The following TENM3 variants were observed in gnomAD, a reference collection of about 807,000 sequenced individuals.
The protein encoded by TENM3 is teneurin transmembrane protein 3.
A neutral mutation model predicts 255.1 loss-of-function variants in TENM3; 63 were observed. The ratio of observed to expected loss-of-function variants is 0.25; its 90% CI spans 0.20 to 0.30. The LOEUF (loss-of-function observed/expected upper bound fraction) is 0.30, where lower values mean the gene tolerates loss of function less well. Ranked by LOEUF, TENM3 falls within the 10% of genes least tolerant of loss-of-function variation. The probability of loss-of-function intolerance (pLI) is 1.00; values close to 1 mark genes in which losing one functional copy is unlikely to be tolerated. For synonymous variants in TENM3, 1,306 were observed against 1,322.3 expected (o/e 0.99, Z 0.27); for missense variants, 2,929 against 3,461.1 (o/e 0.85, Z 3.86).
chr4:182,264,992 G>A (rs1458486880), intron 1 of TENM3, among the ~76,000 whole-genome samples: 1 of 148,922 alleles, frequency 6.7e-6, no homozygotes, highest in African/African-American at 2.5e-5. Flanking sequence ...CACTCTTAAT[G>A]CACACGAGAG....
At chr4:182,619,117 A>G (rs373384412) in intron 4 of TENM3, among the ~76,000 whole-genome samples, 2 of 152,150 alleles carry the variant, frequency 1.3e-5, no homozygotes, top group Non-Finnish European at 2.9e-5. Context: ...GGTATACATC[A>G]TGGAATGGGT....
At chr4:181,575,337 G>A in the TENM3 span, among the ~76,000 whole-genome samples, 1 of 151,788 alleles carries the variant, frequency 6.6e-6, no homozygotes, top group African/African-American at 2.4e-5. Context: ...ATTATTCCAT[G>A]GTATACCAAT....
chr4:182,018,201 G>A, the TENM3 span, among the ~76,000 whole-genome samples: 1 of 152,138 alleles, frequency 6.6e-6, no homozygotes, highest in Admixed American at 6.5e-5. Context: ...GTATGAGATT[G>A]AATTGCTAAC....
intron 2 of TENM3, among the ~76,000 whole-genome samples, chr4:182,328,233 T>C (rs1181329454): frequency 6.6e-6 from 1 of 152,166 alleles, no homozygotes; most frequent in Non-Finnish European, 1.5e-5. Flanking sequence ...TTTTTGTTTT[T>C]GAGATGGAGT....
chr4:181,618,558 G>A, the TENM3 span, among the ~76,000 whole-genome samples: 1 of 152,168 alleles, frequency 6.6e-6, no homozygotes, highest in East Asian at 1.9e-4. Flanking sequence ...AATGCCTAAG[G>A]CTTCTAAGCC....
intron 4 of TENM3, among the ~76,000 whole-genome samples, chr4:182,610,518 C>A (rs79644338): frequency 0.11 from 17,148 of 151,880 alleles, 1,743 homozygotes; most frequent in East Asian, 0.44. Flanking sequence ...CCACCTCTGA[C>A]AAAAAAATAA....
At chr4:182,451,525 A>G (rs944737624) in intron 3 of TENM3, among the ~76,000 whole-genome samples, 1 of 152,138 alleles carries the variant, frequency 6.6e-6, no homozygotes, top group Non-Finnish European at 1.5e-5. Context: ...TTTCTTTCAT[A>G]ACGTAGGCAA....
the TENM3 span, among the ~76,000 whole-genome samples, chr4:181,902,643 G>T: frequency 6.6e-6 from 1 of 152,048 alleles, no homozygotes; most frequent in South Asian, 2.1e-4. Flanking sequence ...GAAGCTGGAA[G>T]CCATCATGCT....
the TENM3 span, among the ~76,000 whole-genome samples, chr4:181,893,486 T>TTCCCCC: frequency 8.8e-5 from 1 of 11,368 alleles, no homozygotes; most frequent in African/African-American, 2.1e-4. Context: ...CACTTTCCCC[T>TTCCCCC]GCCCACCCCC....
Position 182,628,664 on chromosome 4 carries a change from A to G in TENM3, c.763A>G (p.Lys255Glu). The change falls in exon 5 of 28, where the codon AAA becomes GAA. Residue 255 changes from lysine (K) to glutamate (E), a missense_variant. Lys to Glu is a moderately conservative substitution (Grantham distance 56). Transcript: ENST00000511685. ...CCTTTTCCACAGGCATTTCCTATTCAAAACAGGAACAGGTACAACGCCACT... is the reference window on the plus strand; with the variant it reads ...CCTTTTCCACAGGCATTTCCTATTCGAAACAGGAACAGGTACAACGCCACT... ...VPLESRHFLFKTGTGTTPLFS... is the reference protein window; with the variant it reads ...VPLESRHFLFETGTGTTPLFS... 2 of 1,587,238 alleles carry G rather than the reference A, an allele frequency of 1.3e-6. No homozygotes were observed. The highest frequency in any genetic ancestry group is 1.7e-6 in the Non-Finnish European group (2 of 1,164,788).
the TENM3 span, among the ~76,000 whole-genome samples, chr4:181,761,749 C>G: frequency 3.9e-5 from 6 of 151,964 alleles, no homozygotes; most frequent in Non-Finnish European, 8.8e-5. Context: ...AAGTACTGGG[C>G]GTATATGCTA....
At chr4:182,118,790 C>A in the TENM3 span, among the ~76,000 whole-genome samples, 1 of 152,130 alleles carries the variant, frequency 6.6e-6, no homozygotes, top group African/African-American at 2.4e-5. Context: ...GCCTTACATA[C>A]CTGGGATAAA....
intron 3 of TENM3, among the ~76,000 whole-genome samples, chr4:182,400,751 T>G (rs946097676): frequency 6.6e-6 from 1 of 152,224 alleles, no homozygotes; most frequent in Admixed American, 6.5e-5. Context: ...GCTTTCTTAT[T>G]TATTCTCACT....
chr4:182,404,873 G>A (rs1040140929), intron 3 of TENM3, among the ~76,000 whole-genome samples: 1 of 152,232 alleles, frequency 6.6e-6, no homozygotes, highest in Non-Finnish European at 1.5e-5. Flanking sequence ...CAAGGCCAAG[G>A]TGGAGGTGAA....
chr4:181,645,158 G>A, the TENM3 span, among the ~76,000 whole-genome samples: 2 of 152,190 alleles, frequency 1.3e-5, 1 homozygote, highest in South Asian at 4.1e-4. Flanking sequence ...GGCGAAAAAT[G>A]AAATCGATTC....
chr4:182,523,958 T>A (rs2102688), intron 3 of TENM3, among the ~76,000 whole-genome samples: 54,891 of 152,026 alleles, frequency 0.36, 10,272 homozygotes, highest in Admixed American at 0.41. Context: ...CATAACATAC[T>A]ACAAAGGAAT....
chr4:181,697,034 C>T, the TENM3 span, among the ~76,000 whole-genome samples: 4 of 152,200 alleles, frequency 2.6e-5, no homozygotes, highest in Non-Finnish European at 5.9e-5. Context: ...CTTCTCTCTT[C>T]GTGGCTCATA....
At chr4:181,522,296 T>C in the TENM3 span, among the ~76,000 whole-genome samples, 1 of 152,146 alleles carries the variant, frequency 6.6e-6, no homozygotes, top group Admixed American at 6.6e-5. Flanking sequence ...GAAGACATTT[T>C]GTGCTTGTAC....
At chr4:181,863,604 G>A in the TENM3 span, among the ~76,000 whole-genome samples, 9 of 152,024 alleles carry the variant, frequency 5.9e-5, no homozygotes, top group African/African-American at 9.7e-5. Context: ...CTTTACACTC[G>A]TCCTTGGGTA....
Sources: gnomAD v4.1 joint callset for allele counts (sites outside exome capture counted in the v4.1 genomes callset) on GRCh38, gnomAD v4.1.1 for gene constraint, MANE v1.5 for transcripts, NCBI Gene and HGNC (gene_info 2026-07-23, HGNC 2026-07-21) for gene names.